The following PM20D1 variants were observed in gnomAD, a reference collection of about 807,000 sequenced individuals.
PM20D1 encodes the protein N-fatty-acyl-amino acid synthase/hydrolase PM20D1.
Under a neutral mutation model 53.8 loss-of-function variants are expected in PM20D1, and 53 were observed. The observed-to-expected ratio is 0.98, with a 90% CI of 0.79 to 1.24. The LOEUF is 1.24. Ranked by LOEUF, PM20D1 falls within the 50% of genes most tolerant of loss-of-function variation. The pLI is 0.00. For synonymous variants in PM20D1, 239 were observed against 241.3 expected (o/e 0.99, Z 0.09); for missense variants, 564 against 616.8 (o/e 0.91, Z 0.91).
In PM20D1 at chr1:205,833,463, C is replaced by T. The variant is rs185279389; in HGVS notation, c.1117-697G>A. Among the ~76,000 whole-genome samples the T allele has an allele frequency of 1.6e-4, 25 of 152,332 alleles. No homozygotes were observed. The East Asian group carries it at 3.1e-3, about 19-fold the overall frequency. On this transcript the variant is annotated intron_variant, in intron 10 of 12. Coordinates refer to ENST00000367136, the MANE Select transcript of PM20D1 (RefSeq NM_152491.5). Reference sequence around the variant, plus strand: ...ATTTCTGCTTCCTGTTTGTAACCAGCTGCACTGGAGCCAGGAAGATGAGCT... The same window carrying T: ...ATTTCTGCTTCCTGTTTGTAACCAGTTGCACTGGAGCCAGGAAGATGAGCT...
intron 10 of PM20D1, 46 bp from the exon 11 acceptor site, chr1:205,832,812 T>C (rs975188580): frequency 1.1e-5 from 17 of 1,511,796 alleles, no homozygotes; most frequent in African/African-American, 1.1e-4. Flanking sequence ...TTGATTTCTA[T>C]ACATGTACAA....
chr1:205,840,277 A>G lies in PM20D1; in HGVS notation c.1091T>C (p.Ile364Thr). The G allele has an allele frequency of 6.2e-7, 1 of 1,611,316 alleles. No individual in the cohort carries two copies. The highest frequency in any genetic ancestry group is 8.5e-7 in the Non-Finnish European group (1 of 1,178,232). ...CTCTTGGACTGTCTGTCCAGGGTGA[A>G]TCCGGAAGTTGACTGTGGCCTGGGC... ...PVAQATVNFR[I>T]HPGQTVQEVL... The change falls in exon 10 of 13, where the codon ATT becomes ACT. Residue 364 changes from isoleucine (I) to threonine (T), a missense_variant. Ile to Thr is a moderately conservative substitution (Grantham distance 89). Transcript: ENST00000367136.
At chr1:205,829,697 T>C (rs1256515926) in intron 12 of PM20D1, 1 of 152,638 alleles carries the variant, frequency 6.6e-6, no homozygotes, top group Non-Finnish European at 1.5e-5. Context: ...GGATTTAGGA[T>C]GGGGAAATCA....
chr1:205,838,584 A>C (rs1349411708), intron 10 of PM20D1, among the ~76,000 whole-genome samples: 2 of 152,094 alleles, frequency 1.3e-5, no homozygotes, highest in Non-Finnish European at 2.9e-5. Context: ...AGCTCTCTGC[A>C]CCTTCTTCCC....
At chr1:205,836,174 C>T (rs1656683010) in intron 10 of PM20D1, among the ~76,000 whole-genome samples, 1 of 152,120 alleles carries the variant, frequency 6.6e-6, no homozygotes, top group South Asian at 2.1e-4. Context: ...GCACTGGGCC[C>T]AGATCTCCTG....
chr1:205,839,035 T>C (rs1656747145), intron 10 of PM20D1, among the ~76,000 whole-genome samples: 1 of 152,186 alleles, frequency 6.6e-6, no homozygotes, highest in South Asian at 2.1e-4. Context: ...GCATGACCTC[T>C]CTAAAAGCAA....
At chr1:205,832,523 G>T in intron 11 of PM20D1, 75 bp downstream of exon 11, 1 of 1,508,886 alleles carries the variant, frequency 6.6e-7, no homozygotes, top group Non-Finnish European at 9.1e-7. Flanking sequence ...TAGGGTGGGG[G>T]TGGGGAAGTA....
At chr1:205,839,858 C>T (rs1250533015) in intron 10 of PM20D1, among the ~76,000 whole-genome samples, 2 of 133,674 alleles carry the variant, frequency 1.5e-5, no homozygotes, top group Non-Finnish European at 3.1e-5. Context: ...TTGTAGTGAG[C>T]CAAGATCGTG....
rs1425657386 is a variant in PM20D1 at position 205,841,892 on chromosome 1, A to C, written c.966-3T>G. 1 of 1,557,438 alleles carries C rather than the reference A, an allele frequency of 6.4e-7. No homozygotes were observed. The highest frequency in any genetic ancestry group is 1.4e-5 in the African/African-American group (1 of 73,318). On this transcript the variant is annotated splice_region_variant and splice_polypyrimidine_tract_variant and intron_variant, in intron 8 of 12. Transcript: ENST00000367136. Reference sequence around the variant, plus strand: ...TTAAGGGATTTCTCTCCATAAACCTAAAACAAAAGGACCAAGGTCAGATGT... The same window carrying C: ...TTAAGGGATTTCTCTCCATAAACCTCAAACAAAAGGACCAAGGTCAGATGT...
In PM20D1 at chr1:205,845,527, A is replaced by T. The variant is rs935759013; in HGVS notation, c.287T>A (p.Ile96Asn). The T allele has an allele frequency of 6.2e-7, 1 of 1,614,100 alleles. No homozygotes were observed. Among genetic ancestry groups the T allele is most frequent in the East Asian group, 2.2e-5 (1 of 44,896 alleles). ...VFPTVVSTSF[I>N]QHEVVEEYSH... is the part of the protein sequence containing the mutation. ...ATACTCTTCCACGACTTCATGCTGG[A>T]TAAAGCTGGTGCTGACCACTGTAGG... Residue 96 changes from isoleucine to asparagine, a missense_variant, in exon 3 of 13, where the codon ATC becomes AAC. Transcript: ENST00000367136.
In PM20D1 at chr1:205,844,842, G is replaced by C; in HGVS notation, c.545C>G (p.Ser182Cys). 6.2e-7 allele frequency: 1 copy of C among 1,614,030 alleles called. No individual in the cohort carries two copies. The highest frequency in any genetic ancestry group is 8.5e-7 in the Non-Finnish European group (1 of 1,180,004). The change falls in exon 4 of 13, where the codon TCT becomes TGT. Residue 182 changes from serine (S) to cysteine (C), a missense_variant. Ser to Cys is a moderately radical substitution (Grantham distance 112). Transcript: ENST00000367136. ...LLIRKYIPRR[S>C]FFISLGHDEE... ...ATCATGGCCCAGAGAAATGAAGAAA[G>C]ATCTTCGGGGGATGTACTTCCTGAT...
chr1:205,841,234 C>T (rs997659424), intron 9 of PM20D1, among the ~76,000 whole-genome samples: 26 of 152,158 alleles, frequency 1.7e-4, no homozygotes, highest in African/African-American at 5.1e-4. Context: ...CCTTGGAGGC[C>T]GGGAGACTCC....
At position 205,845,273 on chromosome 1, in the gene PM20D1, A is replaced by G. The variant is rs979399498; in HGVS notation, c.489+52T>C. On this transcript the variant is annotated intron_variant, in intron 3 of 12. Transcript: ENST00000367136. ...CTCCCAGGGTCAGCCAAGCACCCCC[A>G]TCCTGATTGATCTTTAGGGCCCCAA... 1.9e-6 allele frequency: 3 copies of G among 1,558,984 alleles called. No individual in the cohort carries two copies. The African/African-American group carries it at 4.1e-5, about 21-fold the overall frequency.
At chr1:205,832,478 AGGG>A in intron 11 of PM20D1, 117 bp downstream of exon 11, 1 of 1,026,902 alleles carries the variant, frequency 9.7e-7, no homozygotes, top group Non-Finnish European at 1.4e-6. Context: ...TCTCATCAGG[AGGG>A]GAAGCAGCCA....
chr1:205,837,117 C>T lies in PM20D1; in HGVS notation c.1116+3135G>A, dbSNP rs561440526. ...ATTTCCTTGCTTACTGCTGTCTCTT[C>T]GCTAGAATGTAAACACCATTAGAAT... is the stretch of plus-strand genomic sequence containing the variant. On this transcript the variant is annotated intron_variant, in intron 10 of 12. Transcript: ENST00000367136. 2.0e-5 allele frequency among the ~76,000 whole-genome samples: 3 copies of T among 152,312 alleles called. No individual in the cohort carries two copies. In the East Asian group the frequency reaches 5.8e-4, roughly 29 times the overall value.
intron 10 of PM20D1, among the ~76,000 whole-genome samples, chr1:205,838,251 CTTTTT>C (rs5780306): frequency 6.6e-6 from 1 of 151,920 alleles, no homozygotes; most frequent in Non-Finnish European, 1.5e-5. Flanking sequence ...CTTTTTGGAT[CTTTTT>C]TTTGTTTTTG....
At position 205,843,719 on chromosome 1, in the gene PM20D1, A is replaced by G; in HGVS notation, c.775T>C (p.Ser259Pro). Residue 259 changes from serine (S) to proline (P), a missense_variant, in exon 6 of 13, where the codon TCA becomes CCA. Coordinates refer to ENST00000367136, the MANE Select transcript of PM20D1 (RefSeq NM_152491.5). ...ATGCTTGTCTCCTTTGGAGGAGCTG[A>G]AGAGTGGCCTGAAGTCATGTTTACT... is the stretch of plus-strand genomic sequence containing the variant. ...LQVNMTSGHS[S>P]APPKETSIGI... 6.2e-7 allele frequency: 1 copy of G among 1,614,136 alleles called. No individual in the cohort carries two copies. The highest frequency in any genetic ancestry group is 8.5e-7 in the Non-Finnish European group (1 of 1,180,014).
intron 6 of PM20D1, among the ~76,000 whole-genome samples, 158 bp from the exon 7 acceptor site, chr1:205,842,909 G>A (rs1325306509): frequency 6.6e-6 from 1 of 152,134 alleles, no homozygotes; most frequent in Non-Finnish European, 1.5e-5. Context: ...ACATTCTGAA[G>A]ATCTCAAAAC....
intron 2 of PM20D1, among the ~76,000 whole-genome samples, chr1:205,846,286 T>G (rs1035234569): frequency 1.4e-4 from 22 of 152,006 alleles, no homozygotes; most frequent in Middle Eastern, 3.4e-3. Flanking sequence ...CTTGGAAGGC[T>G]GAGGCAGGAG....
Sources: gnomAD v4.1 joint callset for allele counts (sites outside exome capture counted in the v4.1 genomes callset) on GRCh38, gnomAD v4.1.1 for gene constraint, MANE v1.5 for transcripts, NCBI Gene and HGNC (gene_info 2026-07-23, HGNC 2026-07-21) for gene names.